The following DKK2 variants were observed in gnomAD, a reference collection of about 807,000 sequenced individuals.
DKK2 encodes dickkopf Wnt signaling pathway inhibitor 2.
Under a neutral mutation model 28.1 loss-of-function variants are expected in DKK2, and 11 were observed. The observed-to-expected ratio is 0.39, with a 90% confidence interval of 0.25 to 0.65. The LOEUF is 0.65. Ranked by LOEUF, DKK2 falls within the 30% of genes least tolerant of loss-of-function variation. The pLI is 0.47. For missense variants in DKK2, 326 were observed against 335.5 expected (o/e 0.97, Z 0.22); for synonymous variants, 135 against 126.5 (o/e 1.07, Z -0.45).
At chr4:106,972,421 TA>T (rs71590172) in intron 1 of DKK2, among the ~76,000 whole-genome samples, 397 of 137,932 alleles carry the variant, frequency 2.9e-3, no homozygotes, top group Non-Finnish European at 2.8e-3. Flanking sequence ...AATGAAAATC[TA>T]AAAAAAAAAA....
chr4:107,028,019 T>C (rs1433846907), intron 1 of DKK2, among the ~76,000 whole-genome samples: 1 of 152,180 alleles, frequency 6.6e-6, no homozygotes, highest in African/African-American at 2.4e-5. Flanking sequence ...CCCAAAGTGC[T>C]AGGATTACAG....
intron 1 of DKK2, among the ~76,000 whole-genome samples, chr4:106,988,063 A>G (rs911544052): frequency 6.6e-6 from 1 of 152,204 alleles, no homozygotes; most frequent in Non-Finnish European, 1.5e-5. Context: ...ACAGGGTTTC[A>G]CCATGTTAGC....
intron 1 of DKK2, among the ~76,000 whole-genome samples, chr4:107,005,358 A>T (rs903673281): frequency 6.7e-6 from 1 of 149,720 alleles, no homozygotes; most frequent in Non-Finnish European, 1.5e-5. Flanking sequence ...AAAAAAAAAA[A>T]AAACAAAAAC....
At chr4:106,940,305 A>G (rs1391526170) in intron 1 of DKK2, among the ~76,000 whole-genome samples, 3 of 152,254 alleles carry the variant, frequency 2.0e-5, no homozygotes, top group Non-Finnish European at 4.4e-5. Context: ...AAAGGACATG[A>G]ACAGACACGT....
At chr4:106,974,462 T>C (rs1448986291) in intron 1 of DKK2, among the ~76,000 whole-genome samples, 2 of 152,210 alleles carry the variant, frequency 1.3e-5, no homozygotes, top group East Asian at 3.8e-4. Flanking sequence ...TTCACATCCC[T>C]TGTAAGTTGT....
intron 2 of DKK2, among the ~76,000 whole-genome samples, chr4:106,925,078 T>A (rs995763333): frequency 4.1e-4 from 62 of 152,188 alleles, no homozygotes; most frequent in African/African-American, 1.5e-3. Flanking sequence ...AACAACATAA[T>A]GTTAGTTTAC....
intron 1 of DKK2, among the ~76,000 whole-genome samples, chr4:106,939,171 T>G (rs1724649854): frequency 6.6e-6 from 1 of 152,202 alleles, no homozygotes; most frequent in Non-Finnish European, 1.5e-5. Flanking sequence ...GAAGTCAAAT[T>G]GTCCCTGTTT....
At chr4:106,929,310 T>A (rs1724468180) in intron 1 of DKK2, among the ~76,000 whole-genome samples, 1 of 152,178 alleles carries the variant, frequency 6.6e-6, no homozygotes, top group Non-Finnish European at 1.5e-5. Flanking sequence ...AACTTTTCCT[T>A]TTTGTCTGAG....
intron 1 of DKK2, among the ~76,000 whole-genome samples, chr4:107,033,823 G>A (rs987422830): frequency 4.6e-5 from 7 of 152,120 alleles, no homozygotes; most frequent in African/African-American, 1.7e-4. Context: ...AGACTTCTAA[G>A]AAACTGTTAG....
Position 106,923,813 on chromosome 4 carries a change from C to T in DKK2, c.*141G>A. The stretch of plus-strand genomic sequence containing the variant: ...TCTATTCAGTTCATGTTTTCTTTCT[C>T]CCTTTTTGTGATCATCTATATTCTT... On this transcript the variant is annotated 3_prime_UTR_variant, in exon 4 of 4. Transcript: ENST00000285311. 1 of 1,189,322 alleles carries T rather than the reference C, an allele frequency of 8.4e-7. No homozygotes were observed. Among genetic ancestry groups the T allele is most frequent in the Non-Finnish European group, 1.2e-6 (1 of 856,986 alleles). 73.7% of individuals were successfully genotyped at this position (1,189,322 alleles called of 1,614,324 possible). A position where few individuals can be genotyped will look rare whatever the true frequency, so the allele number is the denominator to read the frequency against.
At chr4:106,965,482 A>C (rs950725489) in intron 1 of DKK2, among the ~76,000 whole-genome samples, 1 of 152,066 alleles carries the variant, frequency 6.6e-6, no homozygotes, top group Non-Finnish European at 1.5e-5. Context: ...ATTTTATATA[A>C]CCTCCCTTGT....
rs1399770368 is a variant in DKK2, at chr4:106,937,171, C to A, written c.223-11222G>T. Among the ~76,000 whole-genome samples, 354 of 149,458 alleles carry A rather than the reference C, an allele frequency of 2.4e-3. 1 individual carries two copies. The highest frequency in any genetic ancestry group is 8.4e-3 in the African/African-American group (342 of 40,852). ...GCTCCAATTAAAAGACACAGACTGG[C>A]AAATTGGATAAAGAGTCAAAACCCA... On this transcript the variant is annotated intron_variant, in intron 1 of 3. Transcript: ENST00000285311.
At position 106,987,820 on chromosome 4, in the gene DKK2, G is replaced by A. The variant is rs374327253; in HGVS notation, c.222+47550C>T. On this transcript the variant is annotated intron_variant, in intron 1 of 3. Coordinates refer to ENST00000285311, the MANE Select transcript of DKK2 (RefSeq NM_014421.3). ...AAAAAATAGTTAAAAGTTGATTTCCGTTTCTTGCACCTGAAAAACCCTAAC... is the reference window on the plus strand; with the variant it reads ...AAAAAATAGTTAAAAGTTGATTTCCATTTCTTGCACCTGAAAAACCCTAAC... 3.5e-4 allele frequency among the ~76,000 whole-genome samples: 52 copies of A among 148,562 alleles called. 1 individual carries two copies. In the Middle Eastern group the frequency reaches 0.011, roughly 30 times the overall value.
intron 1 of DKK2, among the ~76,000 whole-genome samples, chr4:106,979,070 T>C (rs1414288113): frequency 1.4e-5 from 2 of 144,100 alleles, no homozygotes; most frequent in African/African-American, 5.0e-5. Context: ...TTTTTGTTTT[T>C]GTTTTTGTTT....
At chr4:106,990,976 T>C (rs1723195684) in intron 1 of DKK2, among the ~76,000 whole-genome samples, 1 of 152,164 alleles carries the variant, frequency 6.6e-6, no homozygotes, top group African/African-American at 2.4e-5. Context: ...AGACAGAATG[T>C]TAAGTAGAGC....
At chr4:106,937,162 A>C (rs1401606952) in intron 1 of DKK2, among the ~76,000 whole-genome samples, 1 of 150,110 alleles carries the variant, frequency 6.7e-6, no homozygotes, top group East Asian at 2.0e-4. Flanking sequence ...ATTAAAAGAC[A>C]CAGACTGGCA....
intron 1 of DKK2, among the ~76,000 whole-genome samples, chr4:107,012,598 G>A (rs1362346877): frequency 6.6e-6 from 1 of 151,254 alleles, no homozygotes; most frequent in Non-Finnish European, 1.5e-5. Flanking sequence ...CATATATCAA[G>A]TTAATATTCC....
At chr4:106,960,551 T>C (rs747569185) in intron 1 of DKK2, among the ~76,000 whole-genome samples, 2 of 152,046 alleles carry the variant, frequency 1.3e-5, no homozygotes, top group Non-Finnish European at 2.9e-5. Flanking sequence ...CAAAAACCAC[T>C]GTACTCCAAA....
At chr4:107,002,597 A>C (rs1481473430) in intron 1 of DKK2, among the ~76,000 whole-genome samples, 1 of 152,212 alleles carries the variant, frequency 6.6e-6, no homozygotes, top group Non-Finnish European at 1.5e-5. Context: ...AAAAAAAGAA[A>C]AGGGAAGAGA....
Sources: allele counts gnomAD v4.1 joint callset (sites outside exome capture counted in the v4.1 genomes callset), GRCh38; gene constraint gnomAD v4.1.1; transcripts MANE v1.5; gene names NCBI Gene and HGNC (gene_info 2026-07-23, HGNC 2026-07-21).